Variants in ZHX2 observed in about 807,000 individuals in gnomAD.
ZHX2 encodes zinc fingers and homeoboxes 2, also known as zinc fingers and homeoboxes protein 2.
In ZHX2, 6 loss-of-function variants were observed where a neutral mutation model predicts 21.9. That is an observed-to-expected ratio of 0.27 (90% CI 0.15 to 0.54). ZHX2 has a LOEUF of 0.54. ZHX2 is among the 20% of genes least tolerant of loss of function. The pLI is 0.95. For missense variants in ZHX2, 908 were observed against 1,090.7 expected (o/e 0.83, Z 2.36); for synonymous variants, 434 against 437.1 (o/e 0.99, Z 0.09).
intron 2 of ZHX2, among the ~76,000 whole-genome samples, chr8:122,883,016 C>T (rs568968340): frequency 6.6e-5 from 10 of 152,118 alleles, no homozygotes; most frequent in Non-Finnish European, 1.2e-4. Flanking sequence ...AATCACATCA[C>T]TCCCAGAGAT....
chr8:122,891,270 TTGTGTGTGTGTGTGTG>T lies in ZHX2; in HGVS notation c.-220+27771_-220+27786del, dbSNP rs59893492. Among the ~76,000 whole-genome samples, 116 of 77,736 alleles carry T rather than the reference TTGTGTGTGTGTGTGTG, an allele frequency of 1.5e-3. 1 individual carries two copies. The highest frequency in any genetic ancestry group is 0.016 in the Middle Eastern group (2 of 124). 51.0% of individuals were successfully genotyped at this position (77,736 alleles called of 152,430 possible). A position where few individuals can be genotyped will look rare whatever the true frequency, so the allele number is the denominator to read the frequency against. On this transcript the variant is annotated intron_variant, in intron 2 of 3. Coordinates refer to ENST00000314393, the MANE Select transcript of ZHX2 (RefSeq NM_014943.5). ...TTCTTCCTGGTTCAATCTTGGTAGA[TTGTGTGTGTGTGTGTG>T]TGTGTGTGTGTGTGTGTGTGTGTGT...
chr8:122,922,868 A>G (rs1820771444), intron 2 of ZHX2, among the ~76,000 whole-genome samples: 3 of 152,242 alleles, frequency 2.0e-5, no homozygotes, highest in Admixed American at 1.3e-4. Flanking sequence ...TAGAGCTGTT[A>G]GTAATATTGT....
intron 1 of ZHX2, chr8:122,808,735 C>T (rs540005278): frequency 2.0e-5 from 3 of 152,332 alleles, no homozygotes; most frequent in Admixed American, 2.0e-4. Context: ...TCACCACACT[C>T]CTTCCAGATT....
intron 1 of ZHX2, among the ~76,000 whole-genome samples, chr8:122,825,830 G>C (rs752233552): frequency 6.6e-6 from 1 of 152,176 alleles, no homozygotes; most frequent in Non-Finnish European, 1.5e-5. Flanking sequence ...CAGAAACCAC[G>C]CTGCACCAAC....
At chr8:122,898,759 C>T (rs1472985701) in intron 2 of ZHX2, among the ~76,000 whole-genome samples, 1 of 152,230 alleles carries the variant, frequency 6.6e-6, no homozygotes. Context: ...GAGATAGATT[C>T]CATTATCATA....
chr8:122,788,154 G>A (rs1817436654), intron 1 of ZHX2, among the ~76,000 whole-genome samples: 1 of 152,196 alleles, frequency 6.6e-6, no homozygotes, highest in Admixed American at 6.5e-5. Context: ...CACAGAAAAA[G>A]TAAGCACCTA....
intron 1 of ZHX2, among the ~76,000 whole-genome samples, chr8:122,858,629 TCTTTCTTTC>T (rs1819088691): frequency 7.1e-6 from 1 of 141,200 alleles, no homozygotes; most frequent in South Asian, 2.2e-4. Flanking sequence ...CCTTTTTTTT[TCTTTCTTTC>T]TTTTTTTTTT....
At position 122,953,279 on chromosome 8, in the gene ZHX2, C is replaced by A. The variant is rs763665255; in HGVS notation, c.1769C>A (p.Ala590Asp). The change falls in exon 3 of 4, where the codon GCT (alanine) becomes GAT (aspartate). Residue 590 changes from alanine (A) to aspartate (D), a missense_variant. Physicochemically the swap from Ala to Asp is moderately radical, Grantham distance 126. Coordinates refer to ENST00000314393, the MANE Select transcript of ZHX2 (RefSeq NM_014943.5). This position sits in a 1 kb window ranked among gnomAD's most constrained non-coding sequence, Gnocchi z 4.6. ...RRKLRDSMEQ[A>D]VLDSMGSGKK... is the part of the protein sequence containing the mutation. The stretch of plus-strand genomic sequence containing the variant: ...AAGCTTCGAGACAGCATGGAACAAG[C>A]TGTCTTGGATTCCATGGGGTCTGGC... 2.5e-6 allele frequency: 4 copies of A among 1,614,084 alleles called. No homozygotes were observed. Among genetic ancestry groups the A allele is most frequent in the Non-Finnish European group, 2.5e-6 (3 of 1,180,028 alleles).
intron 1 of ZHX2, among the ~76,000 whole-genome samples, chr8:122,848,940 G>C (rs1434252791): frequency 6.6e-6 from 1 of 152,204 alleles, no homozygotes; most frequent in African/African-American, 2.4e-5. Context: ...TGAGTGCTGA[G>C]GTGCCACTGA....
chr8:122,973,313 C>G lies in ZHX2; in HGVS notation c.*76C>G, dbSNP rs1813773186. The G allele has an allele frequency of 6.5e-6, 1 of 152,740 alleles. No homozygotes were observed. The highest frequency in any genetic ancestry group is 2.4e-5 in the African/African-American group (1 of 41,446). 9.5% of individuals were successfully genotyped at this position (152,740 alleles called of 1,614,324 possible). On this transcript the variant is annotated 3_prime_UTR_variant, in exon 4 of 4. Transcript: ENST00000314393. ...TTGAAGAAAGAAGAGATGGTCTCTCCCCAGCCATGGGCCACCCTTGCCAGT... is the reference window on the plus strand; with the variant it reads ...TTGAAGAAAGAAGAGATGGTCTCTCGCCAGCCATGGGCCACCCTTGCCAGT...
intron 1 of ZHX2, among the ~76,000 whole-genome samples, chr8:122,825,957 A>G (rs2130654970): frequency 6.6e-6 from 1 of 152,292 alleles, no homozygotes; most frequent in South Asian, 2.1e-4. Flanking sequence ...CAACTCAAGG[A>G]TACATCTCAC....
chr8:122,874,508 T>C (rs1259135345), intron 2 of ZHX2, among the ~76,000 whole-genome samples: 1 of 152,040 alleles, frequency 6.6e-6, no homozygotes, highest in Non-Finnish European at 1.5e-5. Flanking sequence ...TAATTTTGTA[T>C]TTTTAGTAGA....
At chr8:122,843,567 A>G (rs538952886) in intron 1 of ZHX2, among the ~76,000 whole-genome samples, 1 of 152,308 alleles carries the variant, frequency 6.6e-6, no homozygotes, top group Non-Finnish European at 1.5e-5. Context: ...TCGTGTAAAC[A>G]GGGATTGTTG....
chr8:122,838,409 G>T (rs112156504), intron 1 of ZHX2, among the ~76,000 whole-genome samples: 5 of 152,094 alleles, frequency 3.3e-5, no homozygotes, highest in African/African-American at 4.8e-5. Context: ...AAGTAACGAG[G>T]CATGTCAGTC....
chr8:122,844,582 T>A (rs1446860421), intron 1 of ZHX2, among the ~76,000 whole-genome samples: 2 of 152,190 alleles, frequency 1.3e-5, no homozygotes, highest in Non-Finnish European at 2.9e-5. Flanking sequence ...AGGTCACAGA[T>A]GAGTGAAGTG....
Position 122,953,101 on chromosome 8 carries a change from C to G in ZHX2, c.1591C>G (p.Gln531Glu), listed in dbSNP as rs746812275. 7 of 1,613,870 alleles carry G rather than the reference C, an allele frequency of 4.3e-6. No individual in the cohort carries two copies. The highest frequency in any genetic ancestry group is 1.3e-5 in the African/African-American group (1 of 74,882). The stretch of plus-strand genomic sequence containing the variant: ...TCATGCGTACCCAGACTTTGCCCCC[C>G]AGAAGTTCAAAGAGAAAACACAGGG... ...TYHAYPDFAP[Q>E]KFKEKTQGQV... Residue 531 changes from glutamine (Q) to glutamate (E), a missense_variant, in exon 3 of 4, where the codon CAG (glutamine) becomes GAG (glutamate). This residue lies in a region of ZHX2 where 431 missense variants were observed against 428.6 expected (regional missense o/e 1.01). Transcript: ENST00000314393. This position sits in a 1 kb window ranked among gnomAD's most constrained non-coding sequence, Gnocchi z 4.6.
intron 2 of ZHX2, among the ~76,000 whole-genome samples, chr8:122,876,366 C>T (rs1198941632): frequency 6.6e-6 from 1 of 152,124 alleles, no homozygotes; most frequent in East Asian, 1.9e-4. Flanking sequence ...CCCCTTACCC[C>T]GTTACCATGA....
chr8:122,808,911 C>T (rs1817874471), intron 1 of ZHX2: 1 of 152,202 alleles, frequency 6.6e-6, no homozygotes, highest in South Asian at 2.1e-4. Context: ...TTTTGTGCTG[C>T]ATGCAGTTTT....
At chr8:122,791,935 T>C (rs1226176039) in intron 1 of ZHX2, among the ~76,000 whole-genome samples, 1 of 152,094 alleles carries the variant, frequency 6.6e-6, no homozygotes, top group Admixed American at 6.5e-5. Flanking sequence ...ATAGGTATTA[T>C]CATTAGCCCT....
Sources: allele counts gnomAD v4.1 joint callset (sites outside exome capture counted in the v4.1 genomes callset), GRCh38; gene constraint gnomAD v4.1.1; regional missense constraint gnomAD v4.1.1; non-coding constraint Gnocchi (gnomAD v3.1); transcripts MANE v1.5; gene names NCBI Gene and HGNC (gene_info 2026-07-23, HGNC 2026-07-21).